Variants in KRT80 observed in about 807,000 individuals in gnomAD.
The protein encoded by KRT80 is keratin, type II cytoskeletal 80.
Under a neutral mutation model 51.5 loss-of-function variants are expected in KRT80, and 36 were observed. That is an observed-to-expected ratio of 0.70 (90% CI 0.54 to 0.92). The LOEUF (loss-of-function observed/expected upper bound fraction) is 0.92, where lower values mean the gene tolerates loss of function less well. Ranked by LOEUF, KRT80 falls within the 40% of genes least tolerant of loss-of-function variation. KRT80 has a pLI of 0.00. For missense variants in KRT80, 566 were observed against 591.7 expected (o/e 0.96, Z 0.45); for synonymous variants, 235 against 248.3 (o/e 0.95, Z 0.50).
intron 5 of KRT80, 79 bp from the exon 6 acceptor site, chr12:52,173,242 G>T (rs1941150403): frequency 2.1e-6 from 3 of 1,435,746 alleles, no homozygotes; most frequent in Non-Finnish European, 2.8e-6. Context: ...GCTTTTTCTT[G>T]CATCCTCCAG....
At chr12:52,188,812 C>A (rs1230879976) in intron 1 of KRT80, among the ~76,000 whole-genome samples, 1 of 152,174 alleles carries the variant, frequency 6.6e-6, no homozygotes, top group Non-Finnish European at 1.5e-5. Flanking sequence ...TCTGTGTGTG[C>A]GTGAAGGCAA....
At chr12:52,176,393 T>G (rs9669529) in intron 4 of KRT80, among the ~76,000 whole-genome samples, 92,405 of 152,014 alleles carry the variant, frequency 0.61, 28,285 homozygotes, top group South Asian at 0.69. Context: ...TCAGGGTAGA[T>G]TGTGACTGTT....
At chr12:52,172,151 C>T (rs919658048) in intron 7 of KRT80, 47 bp downstream of exon 7, 2 of 1,599,034 alleles carry the variant, frequency 1.3e-6, no homozygotes, top group Non-Finnish European at 1.7e-6. Context: ...CCTGGGCCTC[C>T]AGCCCTCCTT....
chr12:52,186,747 C>G (rs1406228738), intron 1 of KRT80, among the ~76,000 whole-genome samples: 1 of 152,154 alleles, frequency 6.6e-6, no homozygotes, highest in African/African-American at 2.4e-5. Flanking sequence ...AGGTGAAACC[C>G]TGGGAGGGCT....
chr12:52,191,737 A>T lies in KRT80; in HGVS notation c.166T>A (p.Ser56Thr), dbSNP rs1412651343. ...LTGCWSAGTISKVTVNPGLLV... is the reference protein window; with the variant it reads ...LTGCWSAGTITKVTVNPGLLV... ...AGGCCGGGGTTCACAGTCACCTTGGAGATAGTGCCAGCCGACCAGCAGCCT... is the reference window on the plus strand; with the variant it reads ...AGGCCGGGGTTCACAGTCACCTTGGTGATAGTGCCAGCCGACCAGCAGCCT... The change falls in exon 1 of 9, where the codon TCC becomes ACC. Residue 56 changes from serine (S) to threonine (T), a missense_variant. By Grantham distance (58) the Ser-to-Thr change is moderately conservative. Coordinates refer to ENST00000394815, the MANE Select transcript of KRT80 (RefSeq NM_182507.3). 1 of 1,613,590 alleles carries T rather than the reference A, an allele frequency of 6.2e-7. No individual in the cohort carries two copies. Among genetic ancestry groups the T allele is most frequent in the East Asian group, 2.2e-5 (1 of 44,868 alleles).
At position 52,170,630 on chromosome 12, in the gene KRT80, C is replaced by T. The variant is rs948478098; in HGVS notation, c.*768G>A. On this transcript the variant is annotated 3_prime_UTR_variant, in exon 9 of 9. Transcript: ENST00000394815. ...CAATCTCAAGCTGCCATCTGGCTTC[C>T]ACTCCCAGGGAGTTGATTATGGCAA... 32 of 152,314 alleles carry T rather than the reference C, an allele frequency of 2.1e-4. No homozygotes were observed. Among genetic ancestry groups the T allele is most frequent in the African/African-American group, 7.2e-4 (30 of 41,448 alleles). The allele number at this position is 152,314 out of a possible 1,614,324, so 9.4% of individuals were successfully genotyped here.
In KRT80 at chr12:52,173,648, G is replaced by A. The variant is rs767949667; in HGVS notation, c.783C>T (p.Ala261=). The A allele has an allele frequency of 1.5e-5, 25 of 1,612,986 alleles. No individual in the cohort carries two copies. Among genetic ancestry groups the A allele is most frequent in the Middle Eastern group, 1.6e-4 (1 of 6,084 alleles). ...IVEEVKAQYD[A]VAARSLEEAE... ...CCTCCTCCAGGCTGCGAGCCGCGAC[G>A]GCGTCATACTGGGCCTTCACCTCCT... Residue 261 remains alanine, a synonymous_variant, in exon 5 of 9, where the codon GCC becomes GCT. Coordinates refer to ENST00000394815, the MANE Select transcript of KRT80 (RefSeq NM_182507.3).
At chr12:52,188,744 T>TC (rs1941441027) in intron 1 of KRT80, among the ~76,000 whole-genome samples, 1 of 152,202 alleles carries the variant, frequency 6.6e-6, no homozygotes, top group African/African-American at 2.4e-5. Context: ...CTCTACAGCC[T>TC]CCCCAGGATG....
intron 2 of KRT80, among the ~76,000 whole-genome samples, chr12:52,183,561 C>T (rs972378343): frequency 1.1e-4 from 16 of 152,110 alleles, no homozygotes; most frequent in African/African-American, 2.9e-4. Context: ...CTTCCCAACT[C>T]GGGTGGGTTC....
intron 5 of KRT80, among the ~76,000 whole-genome samples, 185 bp downstream of exon 5, chr12:52,173,415 T>C (rs1941154656): frequency 6.6e-6 from 1 of 152,130 alleles, no homozygotes; most frequent in African/African-American, 2.4e-5. Context: ...CTTGAACTCC[T>C]GGAGGGCACA....
chr12:52,181,773 C>T (rs1436105377), intron 2 of KRT80, among the ~76,000 whole-genome samples: 1 of 152,270 alleles, frequency 6.6e-6, no homozygotes, highest in African/African-American at 2.4e-5. Context: ...GCCCGACCCT[C>T]TTCCTCAAGT....
intron 4 of KRT80, among the ~76,000 whole-genome samples, chr12:52,174,341 G>A (rs181143385): frequency 1.3e-3 from 204 of 152,330 alleles, no homozygotes; most frequent in Admixed American, 2.3e-3. Context: ...GCTGGAGGCT[G>A]ACAAACCTGT....
chr12:52,173,232 G>T, intron 5 of KRT80, 69 bp from the exon 6 acceptor site: 1 of 1,458,990 alleles, frequency 6.9e-7, no homozygotes. Context: ...ACCCGCCTCT[G>T]CTTTTTCTTG....
intron 1 of KRT80, among the ~76,000 whole-genome samples, chr12:52,188,957 C>T (rs991214361): frequency 6.6e-6 from 1 of 152,060 alleles, no homozygotes; most frequent in Non-Finnish European, 1.5e-5. Context: ...TCCACTGGGA[C>T]GAGCTCAGGA....
chr12:52,177,046 C>T (rs1941237553), intron 4 of KRT80, among the ~76,000 whole-genome samples: 1 of 152,210 alleles, frequency 6.6e-6, no homozygotes, highest in Non-Finnish European at 1.5e-5. Context: ...ATAGCCTGCT[C>T]CAGTTCCCAC....
chr12:52,171,237 TG>T lies in KRT80; in HGVS notation c.*160del. On this transcript the variant is annotated 3_prime_UTR_variant, in exon 9 of 9. Transcript: ENST00000394815. ...AGCTGGTGATGCTCCTCTCCCACCC[TG>T]GCAGCCCACAAAACACAGTCAGTTT... 1.4e-6 allele frequency: 1 copy of T among 728,882 alleles called. No homozygotes were observed. The highest frequency in any genetic ancestry group is 2.3e-6 in the Non-Finnish European group (1 of 442,938). 45.2% of individuals were successfully genotyped at this position (728,882 alleles called of 1,614,324 possible).
At position 52,191,950 on chromosome 12, in the gene KRT80, G is replaced by C. The variant is rs1941489473; in HGVS notation, c.-48C>G. ...AGGGCCCAGGGGGGTGAGCGAGTGA[G>C]CCTGGGGTTGCGTCGGGTGGCAGGC... On this transcript the variant is annotated 5_prime_UTR_variant, in exon 1 of 9. Transcript: ENST00000394815. 7.0e-7 allele frequency: 1 copy of C among 1,421,148 alleles called. No homozygotes were observed. Among genetic ancestry groups the C allele is most frequent in the South Asian group, 1.5e-5 (1 of 67,230 alleles). The allele number at this position is 1,421,148 out of a possible 1,614,324, so 88.0% of individuals were successfully genotyped here.
At chr12:52,179,849 C>A (rs1861316966) in intron 4 of KRT80, among the ~76,000 whole-genome samples, 1 of 152,212 alleles carries the variant, frequency 6.6e-6, no homozygotes, top group Admixed American at 6.5e-5. Context: ...TGAACCTCCT[C>A]ACCCTTGAAA....
chr12:52,180,962 A>G lies in KRT80; in HGVS notation c.511T>C (p.Tyr171His), dbSNP rs766339844. Residue 171 changes from tyrosine (Y) to histidine (H), a missense_variant and splice_region_variant, in exon 3 of 9, where the codon TAT becomes CAT. Tyr to His is a moderately conservative substitution (Grantham distance 83). Coordinates refer to ENST00000394815, the MANE Select transcript of KRT80 (RefSeq NM_182507.3). The stretch of plus-strand genomic sequence containing the variant: ...GTGCGCTTGGAGATCTCATCCTCAT[A>G]CCTGGGAGGGAGAGAGGGGTTGCTC... ...LEKVEEFRIRYEDEISKRTDM... is the reference protein window; with the variant it reads ...LEKVEEFRIRHEDEISKRTDM... 2 of 1,523,058 alleles carry G rather than the reference A, an allele frequency of 1.3e-6. No homozygotes were observed. The highest frequency in any genetic ancestry group is 4.4e-5 in the Admixed American group (2 of 45,622). 94.3% of individuals were successfully genotyped at this position (1,523,058 alleles called of 1,614,324 possible). A position where few individuals can be genotyped will look rare whatever the true frequency, so the allele number is the denominator to read the frequency against.
Sources: allele counts gnomAD v4.1 joint callset (sites outside exome capture counted in the v4.1 genomes callset), GRCh38; gene constraint gnomAD v4.1.1; transcripts MANE v1.5; gene names NCBI Gene and HGNC (gene_info 2026-07-23, HGNC 2026-07-21).